The following CDH1 variants were observed in gnomAD, a reference collection of about 807,000 sequenced individuals.
CDH1 encodes the protein cadherin 1.
A neutral mutation model predicts 84.5 loss-of-function variants in CDH1; 35 were observed. The observed-to-expected ratio is 0.41, with a 90% confidence interval of 0.32 to 0.55. The LOEUF is 0.55. CDH1 is among the 20% of genes least tolerant of loss of function. The pLI is 0.19. For missense variants in CDH1, 994 were observed against 1,126.6 expected, an observed-to-expected ratio of 0.88 and a Z score of 1.68; for synonymous variants, 417 against 439.0, an observed-to-expected ratio of 0.95 and a Z score of 0.63.
intron 2 of CDH1, among the ~76,000 whole-genome samples, chr16:68,785,274 C>T (rs1960013648): frequency 2.0e-5 from 3 of 152,150 alleles, no homozygotes; most frequent in African/African-American, 7.2e-5. Flanking sequence ...TCACTGCAAC[C>T]TCTGCCTCCC....
intron 2 of CDH1, among the ~76,000 whole-genome samples, chr16:68,792,687 G>A (rs1960240522): frequency 6.6e-6 from 1 of 152,218 alleles, no homozygotes; most frequent in African/African-American, 2.4e-5. Context: ...GTGTGACCAA[G>A]TCGCTTGAGT....
chr16:68,793,556 A>G (rs926235030), intron 2 of CDH1, among the ~76,000 whole-genome samples: 3 of 152,166 alleles, frequency 2.0e-5, no homozygotes, highest in Admixed American at 6.5e-5. Flanking sequence ...CTTCATAGCT[A>G]TGGAACTTGG....
intron 2 of CDH1, among the ~76,000 whole-genome samples, chr16:68,762,035 GC>G (rs1959234224): frequency 6.6e-6 from 1 of 152,176 alleles, no homozygotes; most frequent in African/African-American, 2.4e-5. Context: ...AGTAGCATGG[GC>G]ACTGGCCTGC....
At chr16:68,815,130 G>A (rs1194473282) in intron 9 of CDH1, among the ~76,000 whole-genome samples, 1 of 152,086 alleles carries the variant, frequency 6.6e-6, no homozygotes, top group African/African-American at 2.4e-5. Flanking sequence ...GGGAGGCTGA[G>A]GCAGGAGAAT....
At chr16:68,765,346 C>T (rs531914024) in intron 2 of CDH1, 2 of 152,166 alleles carry the variant, frequency 1.3e-5, no homozygotes, top group Non-Finnish European at 2.9e-5. Flanking sequence ...TGCCACCACA[C>T]CTGGCTAATT....
intron 2 of CDH1, among the ~76,000 whole-genome samples, chr16:68,776,852 C>T (rs1257569456): frequency 6.6e-6 from 1 of 152,204 alleles, no homozygotes; most frequent in African/African-American, 2.4e-5. Context: ...ATGTAGTTCT[C>T]ACGACAGTCC....
chr16:68,808,378 C>T (rs2152129521), intron 3 of CDH1, 46 bp from the exon 4 acceptor site: 1 of 1,609,704 alleles, frequency 6.2e-7, no homozygotes, highest in South Asian at 1.1e-5. Context: ...CCTGAAGTAT[C>T]CGTCTTGAAT....
At chr16:68,753,495 T>A (rs978093264) in intron 2 of CDH1, among the ~76,000 whole-genome samples, 2 of 151,816 alleles carry the variant, frequency 1.3e-5, no homozygotes, top group African/African-American at 4.8e-5. Context: ...TTAGCCACCA[T>A]GCCCGGCTAA....
intron 2 of CDH1, among the ~76,000 whole-genome samples, chr16:68,750,500 G>A (rs1218614981): frequency 6.6e-6 from 1 of 152,042 alleles, no homozygotes; most frequent in Non-Finnish European, 1.5e-5. Context: ...TTCCACATGA[G>A]CAAGATCATA....
rs1395455499 is a variant in CDH1, at chr16:68,834,626, TTGTC to T, written c.*1130_*1133del. 4.5e-5 allele frequency: 11 copies of T among 242,160 alleles called. No individual in the cohort carries two copies. The highest frequency in any genetic ancestry group is 8.1e-5 in the Non-Finnish European group (10 of 123,918). 15.0% of individuals were successfully genotyped at this position (242,160 alleles called of 1,614,324 possible). A position where few individuals can be genotyped will look rare whatever the true frequency, so the allele number is the denominator to read the frequency against. On this transcript the variant is annotated 3_prime_UTR_variant, in exon 16 of 16. Transcript: ENST00000261769. Reference sequence around the variant, plus strand: ...CTTTTAGGGTAAGAAGTTTGTGTCTTTGTCTGGCCACATCTTGACTAGGTATTGT... The same window carrying T: ...CTTTTAGGGTAAGAAGTTTGTGTCTTTGGCCACATCTTGACTAGGTATTGT...
At position 68,819,339 on chromosome 16, in the gene CDH1, T is replaced by C; in HGVS notation, c.1625T>C (p.Ile542Thr). The C allele has an allele frequency of 6.2e-7, 1 of 1,614,142 alleles. No individual in the cohort carries two copies. Among genetic ancestry groups the C allele is most frequent in the South Asian group, 1.1e-5 (1 of 91,082 alleles). Residue 542 changes from isoleucine (I) to threonine (T), a missense_variant, in exon 11 of 16, where the codon ATT (isoleucine) becomes ACT (threonine). Coordinates refer to ENST00000261769, the MANE Select transcript of CDH1 (RefSeq NM_004360.5). ...WLEINPDTGA[I>T]STRAELDRED... is the part of the protein sequence containing the mutation. ...GAGATTAATCCGGACACTGGTGCCA[T>C]TTCCACTCGGGCTGAGCTGGACAGG... is the stretch of plus-strand genomic sequence containing the variant.
At chr16:68,746,595 G>A (rs182472279) in intron 2 of CDH1, among the ~76,000 whole-genome samples, 177 of 152,306 alleles carry the variant, frequency 1.2e-3, no homozygotes, top group African/African-American at 3.9e-3. Context: ...CTTGATCAGG[G>A]AGGGATAGGC....
chr16:68,796,983 A>C (rs1960379382), intron 2 of CDH1, among the ~76,000 whole-genome samples: 1 of 152,162 alleles, frequency 6.6e-6, no homozygotes, highest in Non-Finnish European at 1.5e-5. Context: ...TCCTGTAAAC[A>C]TAAAATTACA....
chr16:68,815,738 C>T lies in CDH1; in HGVS notation c.1544C>T (p.Thr515Ile), dbSNP rs1555516188. 4.3e-6 allele frequency: 7 copies of T among 1,614,236 alleles called. No individual in the cohort carries two copies. Among genetic ancestry groups the T allele is most frequent in the Non-Finnish European group, 5.9e-6 (7 of 1,180,042 alleles). The change falls in exon 10 of 16, where the codon ACA becomes ATA. Residue 515 changes from threonine to isoleucine, a missense_variant. By Grantham distance (89) the Thr-to-Ile change is moderately conservative. Transcript: ENST00000261769. ...ITSYTAQEPD[T>I]FMEQKITYRI... ...TCCTACACTGCCCAGGAGCCAGACA[C>T]ATTTATGGAACAGAAAATAACGTAA...
chr16:68,829,243 G>T (rs1472976669), intron 14 of CDH1, among the ~76,000 whole-genome samples: 1 of 152,106 alleles, frequency 6.6e-6, no homozygotes, highest in African/African-American at 2.4e-5. Flanking sequence ...CCAGAAGCTG[G>T]TGCCTTTCAG....
intron 10 of CDH1, 114 bp from the exon 11 acceptor site, chr16:68,819,166 T>C: frequency 7.9e-7 from 1 of 1,270,214 alleles, no homozygotes; most frequent in Non-Finnish European, 1.1e-6. Context: ...TATTGTTGGT[T>C]TTCAAAATAA....
chr16:68,786,119 G>A (rs1435993175), intron 2 of CDH1, among the ~76,000 whole-genome samples: 2 of 152,066 alleles, frequency 1.3e-5, no homozygotes, highest in Non-Finnish European at 2.9e-5. Context: ...GCACCTGTGG[G>A]TCACTCTTCT....
chr16:68,757,187 C>G (rs1412259470), intron 2 of CDH1, among the ~76,000 whole-genome samples: 1 of 152,114 alleles, frequency 6.6e-6, no homozygotes, highest in Admixed American at 6.6e-5. Flanking sequence ...CTCCCAGGTT[C>G]AAGCTATTCT....
At chr16:68,744,340 C>A (rs1452837344) in intron 2 of CDH1, among the ~76,000 whole-genome samples, 1 of 152,156 alleles carries the variant, frequency 6.6e-6, no homozygotes, top group Non-Finnish European at 1.5e-5. Flanking sequence ...AATGGGAGGG[C>A]ATATAGCCAT....
Sources: gnomAD v4.1 joint callset for allele counts (sites outside exome capture counted in the v4.1 genomes callset) on GRCh38, gnomAD v4.1.1 for gene constraint, MANE v1.5 for transcripts, NCBI Gene and HGNC (gene_info 2026-07-23, HGNC 2026-07-21) for gene names.